NQO1: variants seen among roughly 807,000 people sequenced by gnomAD.
The protein encoded by NQO1 is NAD(P)H dehydrogenase [quinone] 1.
Under a neutral mutation model 32.1 loss-of-function variants are expected in NQO1, and 30 were observed. That is an observed-to-expected ratio of 0.94 (90% CI 0.70 to 1.27). The LOEUF (loss-of-function observed/expected upper bound fraction) is 1.27. Among genes scored for constraint, NQO1 ranks in the 50% most tolerant of loss-of-function variants. The probability of loss-of-function intolerance (pLI) is 0.00; values close to 1 mark genes in which losing one functional copy is unlikely to be tolerated. For missense variants in NQO1, 276 were observed against 331.3 expected (o/e 0.83, Z 1.30); for synonymous variants, 109 against 119.7 (o/e 0.91, Z 0.59).
intron 1 of NQO1, among the ~76,000 whole-genome samples, chr16:69,724,496 AT>A (rs879497693): frequency 9.5e-4 from 138 of 145,060 alleles, no homozygotes; most frequent in Middle Eastern, 7.3e-3. Flanking sequence ...CCCAGCCAAA[AT>A]TTTTTTTTTT....
intron 1 of NQO1, among the ~76,000 whole-genome samples, chr16:69,725,684 G>A (rs150536715): frequency 4.8e-4 from 73 of 152,282 alleles, no homozygotes; most frequent in Middle Eastern, 3.4e-3. Flanking sequence ...AGACCGCGCT[G>A]GCCAACTTGG....
At chr16:69,716,167 A>AAATAAT (rs751455910) in intron 3 of NQO1, among the ~76,000 whole-genome samples, 31 of 148,662 alleles carry the variant, frequency 2.1e-4, no homozygotes, top group South Asian at 4.3e-4. Flanking sequence ...CTCCATCTCT[A>AAATAAT]AATAATAATA....
At chr16:69,713,899 G>A (rs2038076210) in intron 4 of NQO1, among the ~76,000 whole-genome samples, 1 of 89,696 alleles carries the variant, frequency 1.1e-5, no homozygotes, top group Admixed American at 1.5e-4. Context: ...TTTTTGATAT[G>A]GAGGCTCGCT....
Position 69,710,844 on chromosome 16 carries a change from A to G in NQO1, c.*132T>C, listed in dbSNP as rs1063556. 5 of 988,496 alleles carry G rather than the reference A, an allele frequency of 5.1e-6. No homozygotes were observed. The highest frequency in any genetic ancestry group is 5.6e-5 in the Admixed American group (2 of 35,538). The allele number at this position is 988,496 out of a possible 1,614,324, so 61.2% of individuals were successfully genotyped here. A position where few individuals can be genotyped will look rare whatever the true frequency, so the allele number is the denominator to read the frequency against. On this transcript the variant is annotated 3_prime_UTR_variant, in exon 6 of 6. Transcript: ENST00000320623. Reference sequence around the variant, plus strand: ...AAATGATCCAAAAATGCACGAATACAGTCGATTCCCTCTCATTTATTCCTT... The same window carrying G: ...AAATGATCCAAAAATGCACGAATACGGTCGATTCCCTCTCATTTATTCCTT...
intron 1 of NQO1, among the ~76,000 whole-genome samples, chr16:69,725,215 G>A (rs1158837176): frequency 6.6e-6 from 1 of 152,166 alleles, no homozygotes; most frequent in Non-Finnish European, 1.5e-5. Flanking sequence ...CAACTGCAAG[G>A]GCAGTCTGTT....
chr16:69,724,190 G>A (rs530820725), intron 1 of NQO1, among the ~76,000 whole-genome samples: 8 of 152,244 alleles, frequency 5.3e-5, no homozygotes, highest in African/African-American at 1.7e-4. Context: ...GTGGGCGCCT[G>A]TAATCCCAGC....
intron 1 of NQO1, among the ~76,000 whole-genome samples, chr16:69,725,172 C>T (rs916966391): frequency 6.6e-6 from 1 of 152,156 alleles, no homozygotes; most frequent in Non-Finnish European, 1.5e-5. Context: ...CAGCTTAGTC[C>T]CTTTCTCAGA....
At chr16:69,719,527 G>A (rs2038162133) in intron 1 of NQO1, among the ~76,000 whole-genome samples, 1 of 152,120 alleles carries the variant, frequency 6.6e-6, no homozygotes, top group South Asian at 2.1e-4. Flanking sequence ...TGTAATCCCA[G>A]CACTTTGGGA....
At chr16:69,724,811 G>A (rs1211821928) in intron 1 of NQO1, among the ~76,000 whole-genome samples, 1 of 152,168 alleles carries the variant, frequency 6.6e-6, no homozygotes, top group African/African-American at 2.4e-5. Flanking sequence ...GTGCAAATCA[G>A]ATGCATCTAT....
chr16:69,722,898 AAT>A, intron 1 of NQO1, among the ~76,000 whole-genome samples: 1 of 152,278 alleles, frequency 6.6e-6, no homozygotes, highest in Admixed American at 6.5e-5. Context: ...TAGTCTTATC[AAT>A]GTTTACTGAT....
At chr16:69,721,361 G>A (rs557792209) in intron 1 of NQO1, among the ~76,000 whole-genome samples, 1 of 152,230 alleles carries the variant, frequency 6.6e-6, no homozygotes, top group East Asian at 1.9e-4. Context: ...AAGAGGCTTC[G>A]CCCAGCACGG....
chr16:69,720,202 AG>A (rs2038170835), intron 1 of NQO1, among the ~76,000 whole-genome samples: 1 of 152,096 alleles, frequency 6.6e-6, no homozygotes, highest in Non-Finnish European at 1.5e-5. Context: ...TTGAGGCTGC[AG>A]TGATCCGTGA....
rs1567628347 is a variant in NQO1 at position 69,709,672 on chromosome 16, C to A, written c.*1304G>T. ...ACCTTTTCATCATTTCTCATCTCTT[C>A]TTTCAATGCACCACAAGAGGGCAGT... On this transcript the variant is annotated 3_prime_UTR_variant, in exon 6 of 6. Coordinates refer to ENST00000320623, the MANE Select transcript of NQO1 (RefSeq NM_000903.3). The A allele has an allele frequency of 2.5e-6, 1 of 397,176 alleles. No homozygotes were observed. Among genetic ancestry groups the A allele is most frequent in the Non-Finnish European group, 4.4e-6 (1 of 225,370 alleles). 24.6% of individuals were successfully genotyped at this position (397,176 alleles called of 1,614,324 possible).
In NQO1 at chr16:69,722,899, A is replaced by G. The variant is rs547593525; in HGVS notation, c.7+3534T>C. Among the ~76,000 whole-genome samples the G allele has an allele frequency of 3.9e-5, 6 of 152,260 alleles. No individual in the cohort carries two copies. The East Asian group carries it at 7.7e-4, about 20-fold the overall frequency. ...ACTTACCTTGCCATTAGTCTTATCAATGTTTACTGATCGCCGCTCTGACAG... is the reference window on the plus strand; with the variant it reads ...ACTTACCTTGCCATTAGTCTTATCAGTGTTTACTGATCGCCGCTCTGACAG... On this transcript the variant is annotated intron_variant, in intron 1 of 5. Coordinates refer to ENST00000320623, the MANE Select transcript of NQO1 (RefSeq NM_000903.3).
intron 2 of NQO1, 44 bp from the exon 3 acceptor site, chr16:69,718,297 C>G (rs772820148): frequency 6.2e-7 from 1 of 1,612,814 alleles, no homozygotes; most frequent in African/African-American, 1.3e-5. Context: ...GGGGCCAAAG[C>G]TGGGCCAGAG....
At chr16:69,719,516 C>T (rs907631559) in intron 1 of NQO1, among the ~76,000 whole-genome samples, 50 of 152,276 alleles carry the variant, frequency 3.3e-4, no homozygotes, top group South Asian at 1.0e-3. Flanking sequence ...TGGTTCGAGC[C>T]TGTAATCCCA....
chr16:69,715,366 A>G lies in NQO1; in HGVS notation c.304-289T>C, dbSNP rs530778797. Among the ~76,000 whole-genome samples the G allele has an allele frequency of 3.4e-4, 52 of 152,382 alleles. No individual in the cohort carries two copies. In the Middle Eastern group the frequency reaches 0.014, roughly 40 times the overall value. The stretch of plus-strand genomic sequence containing the variant: ...ATGAAACTTGTTTGTATGAAATCAC[A>G]TTTGGCAGCAAAGTCTAAATAGCAA... On this transcript the variant is annotated intron_variant, in intron 3 of 5. Transcript: ENST00000320623.
At chr16:69,713,888 G>GTTTTTTTTTTTTTTTGTTTTTTTT (rs376877333) in intron 4 of NQO1, among the ~76,000 whole-genome samples, 5 of 130,022 alleles carry the variant, frequency 3.8e-5, no homozygotes, top group Admixed American at 8.4e-5. Flanking sequence ...TTTTGTTTTT[G>GTTTTTTTTTTTTTTTGTTTTTTTT]TTTTTGATAT....
chr16:69,719,033 TC>T (rs2038155818), intron 1 of NQO1, among the ~76,000 whole-genome samples: 1 of 34,388 alleles, frequency 2.9e-5, no homozygotes. Flanking sequence ...AGACTCCGTC[TC>T]AAAAAAAAAA....
Sources: allele counts gnomAD v4.1 joint callset (sites outside exome capture counted in the v4.1 genomes callset), GRCh38; gene constraint gnomAD v4.1.1; transcripts MANE v1.5; gene names NCBI Gene and HGNC (gene_info 2026-07-23, HGNC 2026-07-21).